Variants in ESPNL observed in about 807,000 individuals in gnomAD.
ESPNL encodes espin like.
In ESPNL, 49 loss-of-function variants were observed where a neutral mutation model predicts 46.8. The ratio of observed to expected loss-of-function variants is 1.05; its 90% CI spans 0.83 to 1.33. ESPNL has a LOEUF of 1.33. Among genes scored for constraint, ESPNL ranks in the 40% most tolerant of loss-of-function variants. The pLI is 0.00. For missense variants in ESPNL, 1,540 were observed against 1,436.6 expected (o/e 1.07, Z -1.16); for synonymous variants, 664 against 662.1 (o/e 1.00, Z -0.04).
In ESPNL at chr2:238,130,267, A is replaced by G; in HGVS notation, c.1553A>G (p.Gln518Arg). The G allele has an allele frequency of 1.2e-6, 2 of 1,609,328 alleles. No individual in the cohort carries two copies. Among genetic ancestry groups the G allele is most frequent in the East Asian group, 2.2e-5 (1 of 44,742 alleles). The stretch of plus-strand genomic sequence containing the variant: ...CTGGAGAAGCAGATTGCAGACCTGC[A>G]GCTTCGGCGCCGCTGTCAGGAGTAT... ...VYLEKQIADLQLRRRCQEYES... is the reference protein window; with the variant it reads ...VYLEKQIADLRLRRRCQEYES... The change falls in exon 9 of 9, where the codon CAG (glutamine) becomes CGG (arginine). Residue 518 changes from glutamine (Q) to arginine (R), a missense_variant. Physicochemically the swap from Gln to Arg is conservative, Grantham distance 43. Transcript: ENST00000343063.
intron 4 of ESPNL, among the ~76,000 whole-genome samples, chr2:238,108,273 G>A (rs1691643186): frequency 6.6e-6 from 1 of 152,202 alleles, no homozygotes; most frequent in Non-Finnish European, 1.5e-5. Context: ...CCCTTGGGGC[G>A]GACCCTCTGC....
intron 7 of ESPNL, 42 bp downstream of exon 7, chr2:238,127,776 A>C (rs1453874732): frequency 6.7e-7 from 1 of 1,481,566 alleles, no homozygotes; most frequent in East Asian, 2.4e-5. Context: ...CGGGGCCCCT[A>C]GCCAGCCTCC....
At chr2:238,129,762 A>G (rs1329451743) in intron 8 of ESPNL, among the ~76,000 whole-genome samples, 3 of 152,224 alleles carry the variant, frequency 2.0e-5, no homozygotes, top group African/African-American at 7.2e-5. Context: ...AAGGAAAGTA[A>G]AAGTCCTGCC....
Position 238,130,445 on chromosome 2 carries a change from G to C in ESPNL, c.1731G>C (p.Ala577=), listed in dbSNP as rs374056784. 5.6e-6 allele frequency: 9 copies of C among 1,604,808 alleles called. No individual in the cohort carries two copies. In the Admixed American group the frequency reaches 1.0e-4, roughly 18 times the overall value. ...SIPAAEPAGS[A]EASEVAPGVQ... is the part of the protein sequence containing the mutation. ...CAGCGGCTGAGCCCGCAGGGTCTGCGGAGGCCTCAGAGGTGGCCCCCGGGG... is the reference window on the plus strand; with the variant it reads ...CAGCGGCTGAGCCCGCAGGGTCTGCCGAGGCCTCAGAGGTGGCCCCCGGGG... Residue 577 remains alanine, a synonymous_variant, in exon 9 of 9, where the codon GCG becomes GCC. Coordinates refer to ENST00000343063, the MANE Select transcript of ESPNL (RefSeq NM_194312.4).
chr2:238,103,232 G>A (rs1559257728), intron 2 of ESPNL, among the ~76,000 whole-genome samples: 2 of 152,158 alleles, frequency 1.3e-5, no homozygotes, highest in Non-Finnish European at 2.9e-5. Flanking sequence ...AGACTGGCCT[G>A]GGCAATGTAG....
chr2:238,107,741 G>A (rs972875147), intron 3 of ESPNL, 50 bp from the exon 4 acceptor site: 4 of 1,500,468 alleles, frequency 2.7e-6, no homozygotes, highest in Admixed American at 4.1e-5. Context: ...CCCACTCTGT[G>A]TGCCTCCTCC....
At chr2:238,113,580 T>C (rs1041627916) in intron 4 of ESPNL, among the ~76,000 whole-genome samples, 2 of 152,216 alleles carry the variant, frequency 1.3e-5, no homozygotes, top group Non-Finnish European at 2.9e-5. Flanking sequence ...AAATGAAGCG[T>C]AGGCATAACT....
chr2:238,112,916 C>T (rs928099183), intron 4 of ESPNL, among the ~76,000 whole-genome samples: 1 of 152,160 alleles, frequency 6.6e-6, no homozygotes. Flanking sequence ...CAATTTTTAT[C>T]AACGTTGCAT....
intron 5 of ESPNL, among the ~76,000 whole-genome samples, chr2:238,119,146 GAAT>G (rs1691912419): frequency 2.0e-5 from 2 of 99,828 alleles, no homozygotes; most frequent in Admixed American, 1.0e-4. Flanking sequence ...GATGGAGGAG[GAAT>G]GGATGGAGGA....
In ESPNL at chr2:238,131,297, T is replaced by C; in HGVS notation, c.2583T>C (p.Gly861=). 1 of 1,582,712 alleles carries C rather than the reference T, an allele frequency of 6.3e-7. No homozygotes were observed. Among genetic ancestry groups the C allele is most frequent in the Non-Finnish European group, 8.6e-7 (1 of 1,165,538 alleles). ...TCTCACTGGATCTCTTCATGCTGGG[T>C]TACTTCCAGCTGCTGGAGTGCGACC... ...SSLSLDLFML[G]YFQLLECDLP... Residue 861 remains glycine, a synonymous_variant, in exon 9 of 9, where the codon GGT becomes GGC. Coordinates refer to ENST00000343063, the MANE Select transcript of ESPNL (RefSeq NM_194312.4).
At chr2:238,109,124 T>A (rs7583208) in intron 4 of ESPNL, among the ~76,000 whole-genome samples, 1 of 152,004 alleles carries the variant, frequency 6.6e-6, no homozygotes, top group Non-Finnish European at 1.5e-5. Flanking sequence ...GGCATGTCCC[T>A]GACAGGTGGC....
chr2:238,104,847 G>A lies in ESPNL; in HGVS notation c.672+5G>A. 1 of 1,487,820 alleles carries A rather than the reference G, an allele frequency of 6.7e-7. No homozygotes were observed. The highest frequency in any genetic ancestry group is 9.0e-7 in the Non-Finnish European group (1 of 1,115,396). The allele number at this position is 1,487,820 out of a possible 1,614,324, so 92.2% of individuals were successfully genotyped here. On this transcript the variant is annotated splice_donor_5th_base_variant and intron_variant, in intron 3 of 8. Coordinates refer to ENST00000343063, the MANE Select transcript of ESPNL (RefSeq NM_194312.4). The stretch of plus-strand genomic sequence containing the variant: ...TACTCCCTCGTCGTCTGGCTGGTAA[G>A]TGGGTGCCAGAGGTGGGAAGGGGAC...
At chr2:238,124,587 G>A (rs1467403589) in intron 5 of ESPNL, among the ~76,000 whole-genome samples, 3 of 151,826 alleles carry the variant, frequency 2.0e-5, no homozygotes, top group Non-Finnish European at 2.9e-5. Flanking sequence ...GTGTGTGTGT[G>A]CAGGAGAGTG....
rs1049671717 is a variant in ESPNL, at chr2:238,107,802, C to T, written c.684C>T (p.Thr228=). 28 of 1,591,592 alleles carry T rather than the reference C, an allele frequency of 1.8e-5. No individual in the cohort carries two copies. Among genetic ancestry groups the T allele is most frequent in the African/African-American group, 5.4e-5 (4 of 74,474 alleles). ...YSLVVWLVTF[T]DIGLTARDNE... The stretch of plus-strand genomic sequence containing the variant: ...CCCTCCTTCCCCAGGTCACATTCAC[C>T]GACATCGGACTCACGGCACGGGACA... The change falls in exon 4 of 9, where the codon ACC becomes ACT. Residue 228 remains threonine (T), a synonymous_variant. Transcript: ENST00000343063.
chr2:238,127,595 C>T (rs1258995486), intron 6 of ESPNL, 27 bp from the exon 7 acceptor site: 2 of 1,572,520 alleles, frequency 1.3e-6, no homozygotes, highest in Non-Finnish European at 1.7e-6. Context: ...CTTGCCCTTT[C>T]TGCAACACCC....
At chr2:238,106,703 A>T (rs1361197634) in intron 3 of ESPNL, among the ~76,000 whole-genome samples, 2 of 152,180 alleles carry the variant, frequency 1.3e-5, no homozygotes, top group Non-Finnish European at 2.9e-5. Context: ...GCAGAGCAGC[A>T]GCAGCTCACC....
chr2:238,118,689 G>A (rs1574736933), intron 5 of ESPNL, among the ~76,000 whole-genome samples: 1 of 144,226 alleles, frequency 6.9e-6, no homozygotes, highest in East Asian at 2.2e-4. Context: ...AGAGATGGAG[G>A]AGGGTGGATA....
intron 3 of ESPNL, among the ~76,000 whole-genome samples, chr2:238,106,500 C>T (rs1264096809): frequency 6.6e-6 from 1 of 152,162 alleles, no homozygotes; most frequent in Non-Finnish European, 1.5e-5. Flanking sequence ...GCAAGTGCGC[C>T]CCTCCCCACC....
intron 4 of ESPNL, among the ~76,000 whole-genome samples, chr2:238,109,361 A>G (rs1229440573): frequency 1.3e-5 from 2 of 152,216 alleles, no homozygotes; most frequent in Admixed American, 1.3e-4. Flanking sequence ...CTCAAAACAG[A>G]GACTTCTTCC....
Sources: gnomAD v4.1 joint callset for allele counts (sites outside exome capture counted in the v4.1 genomes callset) on GRCh38, gnomAD v4.1.1 for gene constraint, MANE v1.5 for transcripts, NCBI Gene and HGNC (gene_info 2026-07-23, HGNC 2026-07-21) for gene names.